Variants in CYP39A1 observed in about 807,000 individuals in gnomAD.
The protein encoded by CYP39A1 is cytochrome P450 family 39 subfamily A member 1.
A neutral mutation model predicts 58.1 loss-of-function variants in CYP39A1; 49 were observed. That is an observed-to-expected ratio of 0.84 (90% CI 0.67 to 1.07). The LOEUF (loss-of-function observed/expected upper bound fraction) is 1.07. Among genes scored for constraint, CYP39A1 ranks in the 50% least tolerant of loss-of-function variants. The probability of loss-of-function intolerance (pLI) is 0.00; values close to 1 mark genes in which losing one functional copy is unlikely to be tolerated. For synonymous variants in CYP39A1, 209 were observed against 187.6 expected, an observed-to-expected ratio of 1.11 and a Z score of -0.93; for missense variants, 531 against 539.4, an observed-to-expected ratio of 0.98 and a Z score of 0.16.
intron 5 of CYP39A1, among the ~76,000 whole-genome samples, chr6:46,635,982 T>C (rs1277127224): frequency 6.6e-6 from 1 of 152,172 alleles, no homozygotes; most frequent in Non-Finnish European, 1.5e-5. Flanking sequence ...GCCTGGCTTT[T>C]TAAATTATAC....
chr6:46,555,845 C>T (rs568133141), intron 10 of CYP39A1, among the ~76,000 whole-genome samples: 136 of 152,262 alleles, frequency 8.9e-4, no homozygotes, highest in African/African-American at 3.2e-3. Flanking sequence ...CCAGGTGTGG[C>T]TATAATCCAT....
At chr6:46,562,617 A>AAAAT (rs1261257134) in intron 10 of CYP39A1, among the ~76,000 whole-genome samples, 1 of 151,994 alleles carries the variant, frequency 6.6e-6, no homozygotes, top group Non-Finnish European at 1.5e-5. Context: ...AAAAATAAAT[A>AAAAT]AAATAAACAA....
chr6:46,652,338 CA>C (rs1762748812), intron 1 of CYP39A1, 67 bp downstream of exon 1: 2 of 1,464,376 alleles, frequency 1.4e-6, no homozygotes, highest in African/African-American at 2.8e-5. Flanking sequence ...ACTTAAGAGT[CA>C]ATGAAAGAAA....
At chr6:46,626,851 C>T (rs1422448307) in intron 6 of CYP39A1, among the ~76,000 whole-genome samples, 2 of 152,178 alleles carry the variant, frequency 1.3e-5, no homozygotes, top group African/African-American at 4.8e-5. Flanking sequence ...ATACTCACTT[C>T]ATCTTACTTG....
intron 10 of CYP39A1, among the ~76,000 whole-genome samples, chr6:46,570,278 G>T (rs1026341752): frequency 1.4e-4 from 22 of 151,986 alleles, no homozygotes; most frequent in Admixed American, 3.9e-4. Context: ...TTTTTTAACT[G>T]AAAAACCTTT....
chr6:46,647,995 T>C (rs1432204695), intron 1 of CYP39A1, among the ~76,000 whole-genome samples: 2 of 152,140 alleles, frequency 1.3e-5, no homozygotes, highest in Non-Finnish European at 2.9e-5. Flanking sequence ...TGGCGATCAT[T>C]ATAAAGTCAG....
At chr6:46,550,725 C>T (rs145274182) in intron 11 of CYP39A1, among the ~76,000 whole-genome samples, 1 of 152,132 alleles carries the variant, frequency 6.6e-6, no homozygotes, top group Non-Finnish European at 1.5e-5. Flanking sequence ...AAAGAGGTTA[C>T]CACAAATAAG....
At chr6:46,600,214 T>C (rs888154348) in intron 7 of CYP39A1, among the ~76,000 whole-genome samples, 1 of 151,968 alleles carries the variant, frequency 6.6e-6, no homozygotes, top group Non-Finnish European at 1.5e-5. Context: ...CTACAACCTC[T>C]GACTCCCAGG....
intron 8 of CYP39A1, among the ~76,000 whole-genome samples, chr6:46,588,926 TC>T (rs1772643582): frequency 6.6e-6 from 1 of 152,126 alleles, no homozygotes; most frequent in Non-Finnish European, 1.5e-5. Context: ...TCACAAAATC[TC>T]CCTATCATCA....
At chr6:46,621,824 C>T (rs1335460059) in intron 7 of CYP39A1, among the ~76,000 whole-genome samples, 1 of 151,920 alleles carries the variant, frequency 6.6e-6, no homozygotes, top group Non-Finnish European at 1.5e-5. Flanking sequence ...TATCTTGATA[C>T]CAAAACCAGA....
chr6:46,624,296 T>C (rs926719789), intron 7 of CYP39A1, among the ~76,000 whole-genome samples: 1 of 152,178 alleles, frequency 6.6e-6, no homozygotes, highest in African/African-American at 2.4e-5. Flanking sequence ...CATTGCCTTT[T>C]TCCATTTGTA....
chr6:46,610,708 C>T (rs1330131352), intron 7 of CYP39A1, among the ~76,000 whole-genome samples: 3 of 152,014 alleles, frequency 2.0e-5, no homozygotes, highest in Admixed American at 1.3e-4. Flanking sequence ...AATCATTTAG[C>T]TAACTACACT....
intron 10 of CYP39A1, among the ~76,000 whole-genome samples, chr6:46,571,946 A>G (rs1011887957): frequency 5.3e-5 from 8 of 152,098 alleles, no homozygotes; most frequent in African/African-American, 1.7e-4. Flanking sequence ...ACATACTTAT[A>G]GCAATATATT....
intron 10 of CYP39A1, among the ~76,000 whole-genome samples, chr6:46,580,927 A>G (rs1310515246): frequency 1.3e-5 from 2 of 152,188 alleles, no homozygotes; most frequent in Non-Finnish European, 2.9e-5. Flanking sequence ...CGGTCACTAT[A>G]AAAAGCAGTT....
intron 1 of CYP39A1, among the ~76,000 whole-genome samples, chr6:46,650,479 ATAT>A (rs1762611900): frequency 9.2e-6 from 1 of 108,582 alleles, no homozygotes; most frequent in Admixed American, 1.1e-4. Flanking sequence ...TAATGCAGTC[ATAT>A]TCTTTTTTTT....
intron 10 of CYP39A1, 72 bp from the exon 11 acceptor site, chr6:46,553,926 G>A: frequency 2.1e-6 from 2 of 949,232 alleles, no homozygotes; most frequent in Admixed American, 4.5e-5. Flanking sequence ...AGAATATCTA[G>A]AAAGCATACA....
At chr6:46,570,374 G>C (rs1237119907) in intron 10 of CYP39A1, among the ~76,000 whole-genome samples, 1 of 151,858 alleles carries the variant, frequency 6.6e-6, no homozygotes, top group East Asian at 1.9e-4. Context: ...CCAACTTTGT[G>C]CTTCATTTGT....
intron 1 of CYP39A1, among the ~76,000 whole-genome samples, chr6:46,651,669 T>G (rs1762701952): frequency 6.6e-6 from 1 of 152,180 alleles, no homozygotes; most frequent in Non-Finnish European, 1.5e-5. Flanking sequence ...TATAAATTCA[T>G]TCTACAAATT....
At chr6:46,632,623 C>T (rs1775731408) in intron 5 of CYP39A1, among the ~76,000 whole-genome samples, 1 of 152,148 alleles carries the variant, frequency 6.6e-6, no homozygotes, top group Non-Finnish European at 1.5e-5. Flanking sequence ...CCAATCTCTA[C>T]CCTCAAATAG....
Sources: allele counts gnomAD v4.1 joint callset (sites outside exome capture counted in the v4.1 genomes callset), GRCh38; gene constraint gnomAD v4.1.1; transcripts MANE v1.5; gene names NCBI Gene and HGNC (gene_info 2026-07-23, HGNC 2026-07-21).